Variants in DOCK10 observed in about 807,000 individuals in gnomAD.
The protein encoded by DOCK10 is dedicator of cytokinesis 10.
DOCK10 carries 145 observed loss-of-function variants against 280.1 expected under a neutral mutation model. The ratio of observed to expected loss-of-function variants is 0.52; its 90% CI spans 0.45 to 0.59. DOCK10 has a LOEUF of 0.59. DOCK10 is among the 20% of genes least tolerant of loss of function. DOCK10 has a pLI of 0.00. For missense variants in DOCK10, 2,368 were observed against 2,651.7 expected, an observed-to-expected ratio of 0.89 and a Z score of 2.35; for synonymous variants, 915 against 942.2, an observed-to-expected ratio of 0.97 and a Z score of 0.53.
At chr2:224,806,415 G>T (rs954466765) in intron 33 of DOCK10, among the ~76,000 whole-genome samples, 178 bp from the exon 34 acceptor site, 1 of 152,056 alleles carries the variant, frequency 6.6e-6, no homozygotes. Flanking sequence ...AACCATACTC[G>T]TAGTTATAAT....
At chr2:225,036,446 A>G (rs1450007372) in intron 1 of DOCK10, among the ~76,000 whole-genome samples, 2 of 152,220 alleles carry the variant, frequency 1.3e-5, no homozygotes, top group African/African-American at 4.8e-5. Context: ...TTATCTAAAA[A>G]GATACTGCAA....
intron 55 of DOCK10, among the ~76,000 whole-genome samples, chr2:224,767,917 CT>C (rs34717266): frequency 0.76 from 112,074 of 147,760 alleles, 42,432 homozygotes; most frequent in Middle Eastern, 0.81. Flanking sequence ...CTAATTGTTT[CT>C]TTTTTTTTTT....
chr2:225,035,587 TAA>T (rs1467055368), intron 1 of DOCK10, among the ~76,000 whole-genome samples: 12 of 111,268 alleles, frequency 1.1e-4, no homozygotes, highest in African/African-American at 5.6e-4. Flanking sequence ...TATATATATA[TAA>T]CACTGAATCA....
chr2:224,796,579 A>C (rs907448774), intron 43 of DOCK10, among the ~76,000 whole-genome samples, 153 bp from the exon 44 acceptor site: 1 of 152,228 alleles, frequency 6.6e-6, no homozygotes, highest in African/African-American at 2.4e-5. Context: ...GTATTATTAA[A>C]TCTAGGGTGT....
chr2:224,989,816 T>C (rs1014090940), intron 1 of DOCK10, among the ~76,000 whole-genome samples: 1 of 152,226 alleles, frequency 6.6e-6, no homozygotes, highest in Non-Finnish European at 1.5e-5. Context: ...CCCCTCCTAC[T>C]GCTACCTCTA....
intron 44 of DOCK10, 86 bp from the exon 45 acceptor site, chr2:224,795,180 G>A (rs1692479505): frequency 3.3e-6 from 4 of 1,215,274 alleles, no homozygotes; most frequent in South Asian, 1.4e-5. Context: ...TTATGGCTAC[G>A]CATCACAGTT....
At chr2:224,814,747 CCT>C (rs1472250346) in intron 30 of DOCK10, among the ~76,000 whole-genome samples, 2 of 152,168 alleles carry the variant, frequency 1.3e-5, no homozygotes, top group African/African-American at 4.8e-5. Context: ...GTCTCAAACT[CCT>C]GACCTCAGGT....
chr2:224,900,902 A>G (rs1004718923), intron 3 of DOCK10, among the ~76,000 whole-genome samples: 3 of 152,206 alleles, frequency 2.0e-5, no homozygotes, highest in African/African-American at 7.2e-5. Flanking sequence ...AGGTCTGATT[A>G]TCAAAGGGTT....
At chr2:224,918,336 T>G (rs548997374) in intron 2 of DOCK10, among the ~76,000 whole-genome samples, 361 of 141,056 alleles carry the variant, frequency 2.6e-3, no homozygotes, top group Non-Finnish European at 4.9e-3. Context: ...GTGTGTGGGG[T>G]GTGTGTGTGT....
At chr2:224,841,689 T>TA in intron 23 of DOCK10, 115 bp downstream of exon 23, 2 of 624,634 alleles carry the variant, frequency 3.2e-6, no homozygotes, top group South Asian at 4.7e-5. Context: ...GATAAGGTAT[T>TA]AAAAAATCTT....
chr2:225,019,516 G>A (rs1237834126), intron 1 of DOCK10, among the ~76,000 whole-genome samples: 1 of 145,880 alleles, frequency 6.9e-6, no homozygotes, highest in Non-Finnish European at 1.5e-5. Flanking sequence ...CTATGCTCCT[G>A]CCTGGTTTTC....
chr2:225,011,341 T>C (rs1689429196), intron 1 of DOCK10, among the ~76,000 whole-genome samples: 1 of 152,216 alleles, frequency 6.6e-6, no homozygotes, highest in Admixed American at 6.5e-5. Flanking sequence ...GAAGTATTCA[T>C]GCTGGAAGTT....
In DOCK10 at chr2:224,879,221, T is replaced by A. The variant is rs115956063; in HGVS notation, c.748-3000A>T. ...TGTGCAAAGCAAACATCTAGGCAGC[T>A]TCCTTCCGAAGGCAAATTCCTAGAC... On this transcript the variant is annotated intron_variant, in intron 7 of 55. Transcript: ENST00000258390. Among the ~76,000 whole-genome samples, 323 of 152,224 alleles carry A rather than the reference T, an allele frequency of 2.1e-3. 2 individuals are homozygous for A. Among genetic ancestry groups the A allele is most frequent in the African/African-American group, 7.4e-3 (309 of 41,534 alleles).
intron 1 of DOCK10, among the ~76,000 whole-genome samples, chr2:224,964,282 GTT>G (rs1704609187): frequency 1.3e-5 from 2 of 152,100 alleles, no homozygotes; most frequent in Admixed American, 1.3e-4. Context: ...TTAATGTGTT[GTT>G]CATTTTCTAA....
At chr2:224,857,014 TG>T (rs748207606) in intron 14 of DOCK10, 32 bp from the exon 15 acceptor site, 1 of 1,552,780 alleles carries the variant, frequency 6.4e-7, no homozygotes, top group Non-Finnish European at 8.7e-7. Flanking sequence ...GGTTGGTAGT[TG>T]GATATTGTTT....
chr2:224,970,936 A>T lies in DOCK10; in HGVS notation c.124-39268T>A, dbSNP rs1173768926. On this transcript the variant is annotated intron_variant, in intron 1 of 55. Coordinates refer to ENST00000258390, the MANE Select transcript of DOCK10 (RefSeq NM_014689.3). This position sits in a 1 kb window ranked among gnomAD's most constrained non-coding sequence, Gnocchi z 4.6. ...TGCACATACCTTGGAACTATAGCTC[A>T]TTATTTCTGGATTAAGAGGAGGAAA... Among the ~76,000 whole-genome samples, 2 of 152,228 alleles carry T rather than the reference A, an allele frequency of 1.3e-5. No homozygotes were observed. Among genetic ancestry groups the T allele is most frequent in the Non-Finnish European group, 2.9e-5 (2 of 68,044 alleles).
Position 224,845,556 on chromosome 2 carries a change from T to A in DOCK10, c.2322A>T (p.Lys774Asn). 1 of 1,613,582 alleles carries A rather than the reference T, an allele frequency of 6.2e-7. No homozygotes were observed. The highest frequency in any genetic ancestry group is 8.5e-7 in the Non-Finnish European group (1 of 1,179,780). The stretch of plus-strand genomic sequence containing the variant: ...GAGCCTCCTTCTTTTTGGCATTAGC[T>A]TTTGCATTGATGTCACAGGTGACGT... ...FYHVTCDINA[K>N]ANAKKKEALE... Residue 774 changes from lysine (K) to asparagine (N), a missense_variant, in exon 20 of 56, where the codon AAA (lysine) becomes AAT (asparagine). Lys to Asn is a moderately conservative substitution (Grantham distance 94). This residue lies in a region of DOCK10 where 1,209 missense variants were observed against 1,250.9 expected (regional missense o/e 0.97). Coordinates refer to ENST00000258390, the MANE Select transcript of DOCK10 (RefSeq NM_014689.3).
intron 1 of DOCK10, among the ~76,000 whole-genome samples, chr2:225,038,618 T>C (rs1263074042): frequency 6.6e-6 from 1 of 152,188 alleles, no homozygotes; most frequent in Non-Finnish European, 1.5e-5. Flanking sequence ...TCCGGCAGGA[T>C]GCTTTCTCTT....
At chr2:224,960,864 C>T (rs1054630720) in intron 1 of DOCK10, among the ~76,000 whole-genome samples, 1 of 151,598 alleles carries the variant, frequency 6.6e-6, no homozygotes, top group African/African-American at 2.4e-5. Flanking sequence ...CTCAGCCTCC[C>T]GTGTAGCTGG....
Sources: gnomAD v4.1 joint callset for allele counts (sites outside exome capture counted in the v4.1 genomes callset) on GRCh38, gnomAD v4.1.1 for gene constraint, gnomAD v4.1.1 regional missense constraint, Gnocchi (gnomAD v3.1) non-coding constraint, MANE v1.5 for transcripts, NCBI Gene and HGNC (gene_info 2026-07-23, HGNC 2026-07-21) for gene names.